CTNNA2: variants seen among roughly 807,000 people sequenced by gnomAD.
The protein encoded by CTNNA2 is catenin alpha 2, also known as catenin alpha-2.
A neutral mutation model predicts 101.0 loss-of-function variants in CTNNA2; 42 were observed. The observed-to-expected ratio is 0.42, with a 90% CI of 0.32 to 0.54. The LOEUF (loss-of-function observed/expected upper bound fraction) is 0.54. Among genes scored for constraint, CTNNA2 ranks in the 20% least tolerant of loss-of-function variants. CTNNA2 has a pLI of 0.14. For synonymous variants in CTNNA2, 450 were observed against 456.4 expected (o/e 0.99, Z 0.18); for missense variants, 871 against 1,223.1 (o/e 0.71, Z 4.29).
intron 7 of CTNNA2, among the ~76,000 whole-genome samples, chr2:79,937,604 A>T (rs1687876401): frequency 6.6e-6 from 1 of 152,228 alleles, no homozygotes; most frequent in African/African-American, 2.4e-5. Context: ...TGTCATAATT[A>T]GAAGATAACC....
intron 2 of CTNNA2, among the ~76,000 whole-genome samples, chr2:79,270,449 C>T (rs1318408254): frequency 6.6e-6 from 1 of 152,096 alleles, no homozygotes; most frequent in Non-Finnish European, 1.5e-5. Context: ...TTCTAACAAC[C>T]CCCTGCTTTG....
intron 3 of CTNNA2, among the ~76,000 whole-genome samples, chr2:79,759,387 A>C (rs1420736929): frequency 1.6e-5 from 2 of 125,886 alleles, no homozygotes; most frequent in Non-Finnish European, 3.2e-5. Flanking sequence ...GAGTGACTCC[A>C]TCTCAAAGAT....
At chr2:79,956,618 G>A (rs760659423) in intron 7 of CTNNA2, among the ~76,000 whole-genome samples, 1 of 152,166 alleles carries the variant, frequency 6.6e-6, no homozygotes, top group African/African-American at 2.4e-5. Context: ...TTAGCGATGA[G>A]AGAGAATTTA....
intron 9 of CTNNA2, among the ~76,000 whole-genome samples, chr2:80,537,859 C>T (rs1291656855): frequency 2.0e-5 from 3 of 152,112 alleles, no homozygotes; most frequent in African/African-American, 7.2e-5. Flanking sequence ...TCCCAAAGTG[C>T]TGGGATTACA....
intron 4 of CTNNA2, among the ~76,000 whole-genome samples, chr2:79,448,106 A>G (rs1678853041): frequency 6.6e-6 from 1 of 152,064 alleles, no homozygotes; most frequent in Non-Finnish European, 1.5e-5. Context: ...ATGTTCCTAG[A>G]TATATAACAC....
intron 7 of CTNNA2, among the ~76,000 whole-genome samples, chr2:80,309,469 C>T (rs180671047): frequency 3.3e-4 from 50 of 152,210 alleles, no homozygotes; most frequent in Admixed American, 1.2e-3. Flanking sequence ...TATTTTAAAA[C>T]TGAAAGGGAC....
At chr2:79,949,605 AAAGT>A (rs3066066) in intron 7 of CTNNA2, among the ~76,000 whole-genome samples, 63,384 of 151,474 alleles carry the variant, frequency 0.42, 14,097 homozygotes, top group Non-Finnish European at 0.51. Context: ...TTGCCTCTAC[AAAGT>A]AAGTAAGTAA....
chr2:79,629,355 A>G (rs886361783), intron 1 of CTNNA2, among the ~76,000 whole-genome samples: 14 of 152,248 alleles, frequency 9.2e-5, no homozygotes, highest in African/African-American at 3.4e-4. Flanking sequence ...ACCTGTAATG[A>G]AGCTCTTTCA....
chr2:79,523,793 G>T (rs1260717276), intron 1 of CTNNA2, among the ~76,000 whole-genome samples: 2 of 152,072 alleles, frequency 1.3e-5, no homozygotes, highest in Admixed American at 1.3e-4. Context: ...TAGGTAAGAA[G>T]AATACCTCTT....
intron 9 of CTNNA2, among the ~76,000 whole-genome samples, chr2:80,536,355 A>G (rs1179666663): frequency 6.6e-6 from 1 of 152,176 alleles, no homozygotes; most frequent in African/African-American, 2.4e-5. Flanking sequence ...CCTTGAATTT[A>G]TTTAAATAAA....
At chr2:80,633,549 G>C (rs1221415697) in intron 18 of CTNNA2, among the ~76,000 whole-genome samples, 1 of 152,100 alleles carries the variant, frequency 6.6e-6, no homozygotes, top group Non-Finnish European at 1.5e-5. Flanking sequence ...CACATAAATG[G>C]CATCAATAGC....
chr2:80,227,354 C>T (rs547592409), intron 7 of CTNNA2, among the ~76,000 whole-genome samples: 1 of 152,266 alleles, frequency 6.6e-6, no homozygotes, highest in Admixed American at 6.5e-5. Context: ...TTTTGCCTCA[C>T]ATACTAATAT....
chr2:79,344,738 C>T (rs898736211), intron 3 of CTNNA2, among the ~76,000 whole-genome samples: 7 of 150,056 alleles, frequency 4.7e-5, no homozygotes, highest in Non-Finnish European at 1.0e-4. Flanking sequence ...CATGTTCAAT[C>T]TCTTGCAAGC....
chr2:80,642,299 G>A (rs936199465), intron 18 of CTNNA2, among the ~76,000 whole-genome samples: 4 of 152,012 alleles, frequency 2.6e-5, no homozygotes, highest in African/African-American at 7.2e-5. Flanking sequence ...CTTGACTCAA[G>A]GTAAATTGCT....
intron 3 of CTNNA2, among the ~76,000 whole-genome samples, chr2:79,316,553 G>A (rs1158628149): frequency 6.6e-6 from 1 of 151,924 alleles, no homozygotes; most frequent in African/African-American, 2.4e-5. Flanking sequence ...CATAAGCACA[G>A]GCTTTCTTTC....
chr2:79,791,023 G>T (rs1675228993), intron 3 of CTNNA2, among the ~76,000 whole-genome samples: 1 of 152,096 alleles, frequency 6.6e-6, no homozygotes, highest in South Asian at 2.1e-4. Flanking sequence ...CATTTATTTT[G>T]AATTAGTATA....
chr2:80,487,545 G>A (rs769480247), intron 9 of CTNNA2, among the ~76,000 whole-genome samples: 2 of 152,054 alleles, frequency 1.3e-5, no homozygotes, highest in African/African-American at 2.4e-5. Flanking sequence ...AAAACCATCA[G>A]TCCTCATGAG....
intron 2 of CTNNA2, among the ~76,000 whole-genome samples, chr2:79,268,369 T>C (rs1019672592): frequency 1.1e-4 from 17 of 152,092 alleles, no homozygotes; most frequent in African/African-American, 4.1e-4. Context: ...GCACACCCCA[T>C]GGAGAAGGCA....
At chr2:80,490,271 T>TCCCCCCCCC (rs1185906142) in intron 9 of CTNNA2, among the ~76,000 whole-genome samples, 3 of 51,848 alleles carry the variant, frequency 5.8e-5, no homozygotes, top group Admixed American at 2.2e-4. Flanking sequence ...TTTTTTTCCT[T>TCCCCCCCCC]CCCCCCCCAC....
Sources: gnomAD v4.1 joint callset for allele counts (sites outside exome capture counted in the v4.1 genomes callset) on GRCh38, gnomAD v4.1.1 for gene constraint, MANE v1.5 for transcripts, NCBI Gene and HGNC (gene_info 2026-07-23, HGNC 2026-07-21) for gene names.